Variants in KANSL3 observed in about 807,000 individuals in gnomAD.
KANSL3 encodes the protein KAT8 regulatory NSL complex subunit 3, also known as NSL complex protein NSL3.
A neutral mutation model predicts 89.2 loss-of-function variants in KANSL3; 16 were observed. The ratio of observed to expected loss-of-function variants is 0.18; its 90% CI spans 0.12 to 0.27. The LOEUF is 0.27. Ranked by LOEUF, KANSL3 falls within the 10% of genes least tolerant of loss-of-function variation. The pLI is 1.00. For synonymous variants in KANSL3, 385 were observed against 419.7 expected (o/e 0.92, Z 1.01); for missense variants, 879 against 1,110.6 (o/e 0.79, Z 2.96).
chr2:96,637,223 TCCTAAA>T, intron 1 of KANSL3, 38 bp from the exon 2 acceptor site: 1 of 785,480 alleles, frequency 1.3e-6, no homozygotes, highest in Non-Finnish European at 2.1e-6. Context: ...AATTCCAATA[TCCTAAA>T]TTTCTCCCAA....
At chr2:96,610,360 G>C (rs1360833987) in intron 11 of KANSL3, 1 of 155,630 alleles carries the variant, frequency 6.4e-6, no homozygotes, top group Admixed American at 6.5e-5. Flanking sequence ...CTGTCACCCA[G>C]GCTGGAGTGC....
intron 3 of KANSL3, among the ~76,000 whole-genome samples, chr2:96,629,180 T>C (rs1325679819): frequency 6.6e-6 from 1 of 152,240 alleles, no homozygotes; most frequent in East Asian, 1.9e-4. Flanking sequence ...AGCTCCTTTT[T>C]GTTATTACCA....
At chr2:96,596,714 CTGATTA>C (rs1195986443) in intron 20 of KANSL3, among the ~76,000 whole-genome samples, 2 of 152,228 alleles carry the variant, frequency 1.3e-5, no homozygotes, top group Non-Finnish European at 1.5e-5. Context: ...TCACTCTGTT[CTGATTA>C]TGAATACACC....
the KANSL3 span, among the ~76,000 whole-genome samples, chr2:96,585,998 G>A: frequency 4.6e-5 from 7 of 152,116 alleles, no homozygotes; most frequent in South Asian, 2.1e-4. Context: ...AGGCTGAGGC[G>A]GGCGGATCAC....
intron 20 of KANSL3, chr2:96,601,070 T>C: frequency 3.7e-6 from 1 of 267,142 alleles, no homozygotes; most frequent in Non-Finnish European, 5.8e-6. Flanking sequence ...GTAGATCACT[T>C]GAGGTCAGGA....
At chr2:96,636,834 C>T (rs1481467195) in intron 2 of KANSL3, 87 bp downstream of exon 2, 1 of 1,124,338 alleles carries the variant, frequency 8.9e-7, no homozygotes, top group East Asian at 2.6e-5. Flanking sequence ...CAATCTCCCC[C>T]AGTCAATCCT....
chr2:96,590,893 G>T (rs2066265762), downstream of KANSL3, among the ~76,000 whole-genome samples: 2 of 152,138 alleles, frequency 1.3e-5, no homozygotes, highest in South Asian at 4.1e-4. Context: ...GGCTGAGGCA[G>T]GGGAATTGCT....
At chr2:96,627,629 A>G (rs1010452940) in intron 3 of KANSL3, among the ~76,000 whole-genome samples, 8 of 152,196 alleles carry the variant, frequency 5.3e-5, no homozygotes, top group Non-Finnish European at 1.0e-4. Context: ...GCAATCAGTA[A>G]ACTCTCCGGG....
intron 3 of KANSL3, chr2:96,627,824 A>G (rs919108215): frequency 1.6e-5 from 16 of 979,594 alleles, no homozygotes; most frequent in African/African-American, 1.5e-4. Flanking sequence ...CAAACAGGCT[A>G]CAGATTCAGG....
At chr2:96,631,264 T>A (rs1208421047) in intron 3 of KANSL3, 48 bp downstream of exon 3, 1 of 1,330,020 alleles carries the variant, frequency 7.5e-7, no homozygotes, top group African/African-American at 1.4e-5. Context: ...ATGAAGATGA[T>A]ACAAAATAAT....
chr2:96,610,643 G>T, intron 11 of KANSL3, 83 bp downstream of exon 11: 1 of 1,507,620 alleles, frequency 6.6e-7, no homozygotes, highest in Non-Finnish European at 9.1e-7. Context: ...AACCAGACTG[G>T]TCTGTAGTTA....
chr2:96,590,316 C>G (rs916765988), downstream of KANSL3, among the ~76,000 whole-genome samples: 1 of 150,484 alleles, frequency 6.6e-6, no homozygotes, highest in Non-Finnish European at 1.5e-5. Context: ...TCTTTAGAAA[C>G]AAGGTCTCAC....
intron 3 of KANSL3, chr2:96,628,328 A>T (rs904701115): frequency 1.2e-6 from 1 of 827,814 alleles, no homozygotes; most frequent in Non-Finnish European, 1.5e-6. Context: ...AGTGTCTCTT[A>T]TGCTTTGCAG....
chr2:96,598,814 G>T (rs1448446227), intron 20 of KANSL3, among the ~76,000 whole-genome samples: 1 of 150,108 alleles, frequency 6.7e-6, no homozygotes, highest in African/African-American at 2.5e-5. Context: ...GGAGGCTGAG[G>T]CAAGAGAATA....
chr2:96,598,082 T>C (rs2066714279), intron 20 of KANSL3: 2 of 985,192 alleles, frequency 2.0e-6, no homozygotes, highest in African/African-American at 1.7e-5. Context: ...ACGGATTACC[T>C]AACACAGGAG....
chr2:96,617,773 G>A (rs1298736923), intron 5 of KANSL3, among the ~76,000 whole-genome samples: 3 of 151,798 alleles, frequency 2.0e-5, no homozygotes, highest in African/African-American at 2.4e-5. Flanking sequence ...CGAGGCGGGC[G>A]GATCACGAGG....
chr2:96,616,594 T>C (rs2070165311), intron 5 of KANSL3, among the ~76,000 whole-genome samples: 2 of 152,244 alleles, frequency 1.3e-5, no homozygotes, highest in African/African-American at 4.8e-5. Context: ...TATAATCATT[T>C]ATATCCTTTG....
At chr2:96,613,348 G>A in intron 6 of KANSL3, 140 bp downstream of exon 6, 1 of 695,616 alleles carries the variant, frequency 1.4e-6, no homozygotes, top group South Asian at 2.5e-5. Context: ...TCTAGCCTGG[G>A]TAACAGAGCA....
chr2:96,590,441 C>T (rs532740717), downstream of KANSL3, among the ~76,000 whole-genome samples: 9 of 151,818 alleles, frequency 5.9e-5, no homozygotes, highest in African/African-American at 1.7e-4. Context: ...TACAGGTGCG[C>T]GGCATGACAC....
Sources: gnomAD v4.1 joint callset for allele counts (sites outside exome capture counted in the v4.1 genomes callset) on GRCh38, gnomAD v4.1.1 for gene constraint, MANE v1.5 for transcripts, NCBI Gene and HGNC (gene_info 2026-07-23, HGNC 2026-07-21) for gene names.